The following AHI1 variants were observed in gnomAD, a reference collection of about 807,000 sequenced individuals.
AHI1 encodes the protein jouberin.
AHI1 carries 123 observed loss-of-function variants against 149.3 expected under a neutral mutation model. That is an observed-to-expected ratio of 0.82 (90% confidence interval 0.71 to 0.96). The LOEUF (loss-of-function observed/expected upper bound fraction) is 0.96, where lower values mean the gene tolerates loss of function less well. Ranked by LOEUF, AHI1 falls within the 40% of genes least tolerant of loss-of-function variation. The pLI, the probability that AHI1 is intolerant of heterozygous loss-of-function variation, is 0.00. For synonymous variants in AHI1, 475 were observed against 459.8 expected, an observed-to-expected ratio of 1.03 and a Z score of -0.42; for missense variants, 1,439 against 1,422.7, an observed-to-expected ratio of 1.01 and a Z score of -0.18.
At chr6:135,420,722 G>A (rs191292966) in intron 20 of AHI1, among the ~76,000 whole-genome samples, 1 of 152,250 alleles carries the variant, frequency 6.6e-6, no homozygotes, top group East Asian at 1.9e-4. Context: ...GGGTACTGTG[G>A]CTGGTTTCAT....
At chr6:135,461,633 C>G (rs867962180) in intron 8 of AHI1, among the ~76,000 whole-genome samples, 1 of 152,026 alleles carries the variant, frequency 6.6e-6, no homozygotes, top group East Asian at 1.9e-4. Context: ...ATGTGAATTA[C>G]CGCTTTACTT....
At chr6:135,449,380 A>T (rs1438544516) in intron 11 of AHI1, among the ~76,000 whole-genome samples, 1 of 152,130 alleles carries the variant, frequency 6.6e-6, no homozygotes, top group Non-Finnish European at 1.5e-5. Context: ...GAAACATAAA[A>T]ATCTTACCAA....
At chr6:135,461,374 C>T (rs1324919822) in intron 8 of AHI1, among the ~76,000 whole-genome samples, 1 of 151,858 alleles carries the variant, frequency 6.6e-6, no homozygotes, top group Non-Finnish European at 1.5e-5. Context: ...ACTATACATT[C>T]CTGAAGAATG....
intron 8 of AHI1, among the ~76,000 whole-genome samples, chr6:135,462,620 G>C (rs1790085371): frequency 3.9e-5 from 6 of 152,130 alleles, no homozygotes. Context: ...ATCAGAGAAG[G>C]TCAGGCATGG....
chr6:135,470,874 C>T (rs972290761), intron 5 of AHI1, among the ~76,000 whole-genome samples: 2 of 151,976 alleles, frequency 1.3e-5, no homozygotes, highest in African/African-American at 4.8e-5. Context: ...GGTTTGTTAC[C>T]TATGTAACAA....
chr6:135,370,645 A>G (rs886133971), intron 23 of AHI1, among the ~76,000 whole-genome samples: 2 of 152,080 alleles, frequency 1.3e-5, no homozygotes, highest in African/African-American at 4.8e-5. Context: ...TCTCTTTGCA[A>G]TTTATTTTGT....
intron 20 of AHI1, among the ~76,000 whole-genome samples, chr6:135,418,127 T>C (rs1782650528): frequency 6.6e-6 from 1 of 152,144 alleles, no homozygotes; most frequent in Admixed American, 6.6e-5. Context: ...CTCATAATTT[T>C]AACAGTCTCA....
At chr6:135,371,976 G>T (rs1464591181) in intron 23 of AHI1, among the ~76,000 whole-genome samples, 2 of 152,206 alleles carry the variant, frequency 1.3e-5, no homozygotes, top group Admixed American at 6.5e-5. Flanking sequence ...ATATCTGTAA[G>T]TTTAATGTTT....
chr6:135,457,814 T>G, intron 8 of AHI1, 101 bp from the exon 9 acceptor site: 1 of 1,107,504 alleles, frequency 9.0e-7, no homozygotes, highest in South Asian at 1.5e-5. Flanking sequence ...CTCACTGTGT[T>G]CAAAGGAACT....
intron 18 of AHI1, 138 bp from the exon 19 acceptor site, chr6:135,428,897 T>C: frequency 1.4e-6 from 1 of 725,490 alleles, no homozygotes; most frequent in Non-Finnish European, 2.2e-6. Context: ...AGACATTCTA[T>C]AATATAATGG....
chr6:135,448,619 ATAGT>A (rs772403152), intron 11 of AHI1, 144 bp from the exon 12 acceptor site: 61 of 640,588 alleles, frequency 9.5e-5, no homozygotes, highest in South Asian at 2.3e-4. Context: ...AGAACATTAA[ATAGT>A]TAGTTAAGCA....
At chr6:135,496,020 A>T (rs1482675913) in intron 2 of AHI1, 122 bp from the exon 3 acceptor site, 1 of 152,240 alleles carries the variant, frequency 6.6e-6, no homozygotes, top group African/African-American at 2.4e-5. Context: ...TATATAAATC[A>T]TATACTTATT....
chr6:135,328,259 C>A lies in AHI1; in HGVS notation c.3166-4935G>T, dbSNP rs553663643. Among the ~76,000 whole-genome samples the A allele has an allele frequency of 5.3e-5, 8 of 152,238 alleles. No individual in the cohort carries two copies. In the South Asian group the frequency reaches 1.5e-3, roughly 28 times the overall value. On this transcript the variant is annotated intron_variant, in intron 24 of 28. Coordinates refer to ENST00000265602, the MANE Select transcript of AHI1 (RefSeq NM_001134831.2). Reference sequence around the variant, plus strand: ...GAAAACATGGTTGGAAAGTTTTTCCCAAACATGTAGATACTGCATTTTTTT... The same window carrying A: ...GAAAACATGGTTGGAAAGTTTTTCCAAAACATGTAGATACTGCATTTTTTT...
chr6:135,493,120 T>C (rs566686429), intron 3 of AHI1: 2 of 265,102 alleles, frequency 7.5e-6, no homozygotes, highest in East Asian at 3.6e-4. Context: ...TGCCTCAGCC[T>C]CCCGAGTGGC....
At chr6:135,305,641 T>G (rs1365654256) in intron 26 of AHI1, among the ~76,000 whole-genome samples, 1 of 152,240 alleles carries the variant, frequency 6.6e-6, no homozygotes, top group East Asian at 1.9e-4. Flanking sequence ...GTCTTATTTC[T>G]TTCAGTAGGC....
chr6:135,447,744 G>A (rs893271361), intron 12 of AHI1, among the ~76,000 whole-genome samples: 1 of 152,168 alleles, frequency 6.6e-6, no homozygotes, highest in Admixed American at 6.5e-5. Flanking sequence ...ATGGAAAACA[G>A]CAGCAGTAGA....
At chr6:135,342,966 G>T (rs181845791) in intron 24 of AHI1, among the ~76,000 whole-genome samples, 2 of 150,938 alleles carry the variant, frequency 1.3e-5, no homozygotes, top group African/African-American at 4.8e-5. Context: ...AAGGCACCCG[G>T]ATCGGAAAGG....
At chr6:135,362,759 T>C (rs537167523) in intron 23 of AHI1, among the ~76,000 whole-genome samples, 8 of 152,266 alleles carry the variant, frequency 5.3e-5, no homozygotes, top group African/African-American at 1.9e-4. Context: ...GTAGATTCTG[T>C]ATAGTAGTCC....
chr6:135,367,464 T>C (rs1774350731), intron 23 of AHI1, among the ~76,000 whole-genome samples: 1 of 152,112 alleles, frequency 6.6e-6, no homozygotes, highest in Non-Finnish European at 1.5e-5. Flanking sequence ...TCCAAACTTT[T>C]GGATTTCTCT....
Sources: allele counts gnomAD v4.1 joint callset (sites outside exome capture counted in the v4.1 genomes callset), GRCh38; gene constraint gnomAD v4.1.1; transcripts MANE v1.5; gene names NCBI Gene and HGNC (gene_info 2026-07-23, HGNC 2026-07-21).